The following GPHN variants were observed in gnomAD, a reference collection of about 807,000 sequenced individuals.
GPHN encodes gephyrin.
In GPHN, 17 loss-of-function variants were observed where a neutral mutation model predicts 95.5. The ratio of observed to expected loss-of-function variants is 0.18; its 90% CI spans 0.12 to 0.27. The LOEUF is 0.27. GPHN is among the 10% of genes least tolerant of loss of function. The pLI is 1.00. For synonymous variants in GPHN, 320 were observed against 322.5 expected, an observed-to-expected ratio of 0.99 and a Z score of 0.08; for missense variants, 660 against 978.1, an observed-to-expected ratio of 0.67 and a Z score of 4.34.
the GPHN span, among the ~76,000 whole-genome samples, chr14:67,417,788 G>T: frequency 2.6e-5 from 4 of 152,036 alleles, no homozygotes; most frequent in African/African-American, 9.7e-5. Context: ...CTGTTGCCCA[G>T]GCTGGAATGC....
chr14:67,159,273 T>C, intron 18 of GPHN, 142 bp from the exon 19 acceptor site: 1 of 683,192 alleles, frequency 1.5e-6, no homozygotes, highest in Middle Eastern at 3.4e-4. Flanking sequence ...GAAGGAATAT[T>C]TGTGTTAAGC....
intron 2 of GPHN, among the ~76,000 whole-genome samples, chr14:66,700,071 C>T (rs771617691): frequency 5.3e-5 from 8 of 152,014 alleles, no homozygotes; most frequent in African/African-American, 1.4e-4. Flanking sequence ...GTGTCTTATA[C>T]GGGCTATTCA....
chr14:67,168,357 T>A (rs748473979), intron 20 of GPHN, among the ~76,000 whole-genome samples: 1 of 152,202 alleles, frequency 6.6e-6, no homozygotes, highest in South Asian at 2.1e-4. Flanking sequence ...ATATAGTCAA[T>A]CATATTGGAG....
intron 18 of GPHN, among the ~76,000 whole-genome samples, chr14:67,146,253 C>T (rs1232304562): frequency 6.6e-6 from 1 of 152,128 alleles, no homozygotes; most frequent in Non-Finnish European, 1.5e-5. Context: ...GTACCTTCTT[C>T]CCAGCCAAGG....
intron 2 of GPHN, among the ~76,000 whole-genome samples, chr14:66,714,014 C>G (rs985514623): frequency 3.9e-5 from 6 of 152,136 alleles, no homozygotes; most frequent in Non-Finnish European, 7.3e-5. Context: ...AGTGATCTGC[C>G]CGCCTTGGCC....
chr14:67,266,082 C>A, the GPHN span, among the ~76,000 whole-genome samples: 9 of 152,084 alleles, frequency 5.9e-5, no homozygotes, highest in African/African-American at 1.7e-4. Context: ...GTTGGGATTA[C>A]AAATGTAAGC....
intron 2 of GPHN, among the ~76,000 whole-genome samples, chr14:66,699,940 C>T (rs1486833506): frequency 6.6e-6 from 1 of 152,044 alleles, no homozygotes; most frequent in Non-Finnish European, 1.5e-5. Context: ...TTTATAAGAA[C>T]CTTTATGTTT....
the GPHN span, chr14:67,197,991 T>A: frequency 2.2e-5 from 15 of 681,344 alleles, no homozygotes; most frequent in Non-Finnish European, 3.6e-5. Context: ...CCTGTTTAGA[T>A]GTATGTATTA....
chr14:67,279,827 C>A, the GPHN span: 1 of 328,066 alleles, frequency 3.0e-6, no homozygotes, highest in Non-Finnish European at 5.5e-6. Flanking sequence ...CCTTTTATAT[C>A]AAACCACAAA....
chr14:66,556,582 AAAATG>A (rs2060014649), intron 1 of GPHN, among the ~76,000 whole-genome samples: 2 of 152,228 alleles, frequency 1.3e-5, no homozygotes, highest in Admixed American at 1.3e-4. Flanking sequence ...TCTGATCTAT[AAAATG>A]AAATGAAACT....
chr14:66,608,235 T>C (rs1434371484), intron 1 of GPHN, among the ~76,000 whole-genome samples: 1 of 152,088 alleles, frequency 6.6e-6, no homozygotes, highest in African/African-American at 2.4e-5. Context: ...CTTCATTTCA[T>C]TATTTCCCCA....
intron 9 of GPHN, among the ~76,000 whole-genome samples, chr14:67,002,328 T>TTTTTTG (rs2072291501): frequency 6.8e-6 from 1 of 147,752 alleles, no homozygotes; most frequent in Non-Finnish European, 1.5e-5. Flanking sequence ...TTTTTTTTTT[T>TTTTTTG]TTTTTGGATA....
At chr14:66,800,606 T>G (rs931115047) in intron 3 of GPHN, among the ~76,000 whole-genome samples, 1 of 152,104 alleles carries the variant, frequency 6.6e-6, no homozygotes, top group Non-Finnish European at 1.5e-5. Context: ...TCATGCTGCT[T>G]TTAAGATCCT....
intron 3 of GPHN, among the ~76,000 whole-genome samples, chr14:66,797,541 T>A (rs1566955556): frequency 6.6e-6 from 1 of 151,932 alleles, no homozygotes; most frequent in Non-Finnish European, 1.5e-5. Context: ...CATTAAGATC[T>A]TTTGCTCTTT....
chr14:67,131,899 A>C (rs1302718893), intron 17 of GPHN, among the ~76,000 whole-genome samples: 2 of 152,196 alleles, frequency 1.3e-5, no homozygotes, highest in African/African-American at 4.8e-5. Flanking sequence ...TCAGCAATAT[A>C]GCTTCTGAAC....
At chr14:67,455,014 T>A in the GPHN span, among the ~76,000 whole-genome samples, 1 of 152,180 alleles carries the variant, frequency 6.6e-6, no homozygotes, top group Non-Finnish European at 1.5e-5. Context: ...TATGGCTGGC[T>A]AATTTTTGGA....
intron 8 of GPHN, among the ~76,000 whole-genome samples, chr14:66,926,241 C>T: frequency 6.6e-6 from 1 of 151,974 alleles, no homozygotes; most frequent in Admixed American, 6.6e-5. Flanking sequence ...AGCTTTTTAA[C>T]TTGATATGAT....
At position 67,100,753 on chromosome 14, in the gene GPHN, T is replaced by C. The variant is rs1275656811; in HGVS notation, c.1238-103T>C. ...AAAAATATTCCACTTCTCTAAGCCT[T>C]ATCAAATAATTTGAGTCAAATTTTA... On this transcript the variant is annotated intron_variant, in intron 12 of 22. Coordinates refer to ENST00000478722, the MANE Select transcript of GPHN (RefSeq NM_020806.5). The C allele has an allele frequency of 1.4e-5, 11 of 780,694 alleles. 1 individual carries two copies. The highest frequency in any genetic ancestry group is 2.5e-5 in the Non-Finnish European group (11 of 434,452). 48.4% of individuals were successfully genotyped at this position (780,694 alleles called of 1,614,324 possible).
chr14:67,168,848 C>A, intron 20 of GPHN, 85 bp from the exon 21 acceptor site: 1 of 915,742 alleles, frequency 1.1e-6, no homozygotes, highest in Non-Finnish European at 1.8e-6. Context: ...CCGTCACATT[C>A]TGATACCCAA....
Sources: gnomAD v4.1 joint callset for allele counts (sites outside exome capture counted in the v4.1 genomes callset) on GRCh38, gnomAD v4.1.1 for gene constraint, MANE v1.5 for transcripts, NCBI Gene and HGNC (gene_info 2026-07-23, HGNC 2026-07-21) for gene names.